FAM110B: variants seen among roughly 807,000 people sequenced by gnomAD.
The protein encoded by FAM110B is family with sequence similarity 110 member B, also known as protein FAM110B.
FAM110B carries 6 observed loss-of-function variants against 20.4 expected under a neutral mutation model. That is an observed-to-expected ratio of 0.29 (90% confidence interval 0.16 to 0.58). FAM110B has a LOEUF of 0.58. FAM110B is among the 20% of genes least tolerant of loss of function. FAM110B has a pLI of 0.90. For synonymous variants in FAM110B, 226 were observed against 214.1 expected (o/e 1.06, Z -0.49); for missense variants, 434 against 498.2 (o/e 0.87, Z 1.23).
intron 3 of FAM110B, among the ~76,000 whole-genome samples, chr8:58,103,335 A>G (rs1184270159): frequency 1.5e-5 from 1 of 67,570 alleles, no homozygotes; most frequent in East Asian, 4.5e-4. Context: ...CCTCCACCCC[A>G]CAACAGTCCC....
At chr8:58,133,416 G>T (rs1340261827) in intron 3 of FAM110B, among the ~76,000 whole-genome samples, 4 of 152,128 alleles carry the variant, frequency 2.6e-5, no homozygotes, top group Admixed American at 6.5e-5. Context: ...TTCTGGGCAG[G>T]CAGGAGCCAG....
intron 3 of FAM110B, chr8:58,101,139 T>C (rs1023875146): frequency 6.6e-6 from 1 of 151,900 alleles, no homozygotes; most frequent in Non-Finnish European, 1.5e-5. Flanking sequence ...ATCGTGCTAC[T>C]GTGCTCCAGC....
At chr8:58,013,627 G>C (rs1804582777) in intron 1 of FAM110B, among the ~76,000 whole-genome samples, 1 of 152,158 alleles carries the variant, frequency 6.6e-6, no homozygotes, top group South Asian at 2.1e-4. Flanking sequence ...CAGAGGGGGA[G>C]TCCAGTGGGG....
intron 1 of FAM110B, among the ~76,000 whole-genome samples, chr8:58,009,124 TA>T (rs781380349): frequency 3.3e-5 from 5 of 152,212 alleles, no homozygotes; most frequent in Non-Finnish European, 7.3e-5. Flanking sequence ...GGGGACTTGA[TA>T]GGGGGACGTA....
intron 2 of FAM110B, among the ~76,000 whole-genome samples, chr8:58,033,249 C>G (rs548403087): frequency 6.6e-6 from 1 of 152,172 alleles, no homozygotes; most frequent in Non-Finnish European, 1.5e-5. Flanking sequence ...TTTAATGGCT[C>G]TGTAGTATTC....
intron 3 of FAM110B, among the ~76,000 whole-genome samples, chr8:58,136,595 T>C (rs185824705): frequency 6.6e-6 from 1 of 152,344 alleles, no homozygotes; most frequent in East Asian, 1.9e-4. Flanking sequence ...CAAGTCATTA[T>C]ATTTCCAAGT....
At chr8:58,119,937 T>A (rs1260029406) in intron 3 of FAM110B, among the ~76,000 whole-genome samples, 4 of 152,194 alleles carry the variant, frequency 2.6e-5, no homozygotes, top group African/African-American at 9.6e-5. Flanking sequence ...GTAAATAACC[T>A]GCTTCTGGGA....
chr8:58,107,873 A>G (rs990924582), intron 3 of FAM110B, among the ~76,000 whole-genome samples: 1 of 152,204 alleles, frequency 6.6e-6, no homozygotes, highest in African/African-American at 2.4e-5. Context: ...TTTGGGGAAC[A>G]TTTGTGCTTT....
Position 58,047,288 on chromosome 8 carries a change from A to T in FAM110B, c.-414+15585A>T, listed in dbSNP as rs146633046. On this transcript the variant is annotated intron_variant, in intron 2 of 3. Transcript: ENST00000519262. The stretch of plus-strand genomic sequence containing the variant: ...TGTTACGCCTTGGCCCAGGAGTCTC[A>T]GCCTATCTGCAGAGAAGAGGTAAAT... Among the ~76,000 whole-genome samples the T allele has an allele frequency of 3.7e-3, 569 of 152,296 alleles. 2 individuals carry two copies. The highest frequency in any genetic ancestry group is 0.013 in the African/African-American group (545 of 41,566).
At chr8:58,093,486 C>T (rs1376359614) in intron 3 of FAM110B, among the ~76,000 whole-genome samples, 1 of 152,172 alleles carries the variant, frequency 6.6e-6, no homozygotes, top group East Asian at 1.9e-4. Context: ...GTTTTCCCAA[C>T]ACCATTTATT....
intron 1 of FAM110B, among the ~76,000 whole-genome samples, chr8:58,015,342 G>C (rs1049924642): frequency 1.3e-5 from 2 of 151,644 alleles, no homozygotes; most frequent in African/African-American, 4.9e-5. Context: ...GGACGACAGA[G>C]CAAAACTCTG....
chr8:58,027,100 C>T (rs1804868821), intron 1 of FAM110B, among the ~76,000 whole-genome samples: 2 of 152,142 alleles, frequency 1.3e-5, no homozygotes, highest in African/African-American at 4.8e-5. Flanking sequence ...GTATGTCACT[C>T]TCCATGGATT....
chr8:58,080,644 C>T (rs2150596755), intron 3 of FAM110B, among the ~76,000 whole-genome samples: 1 of 152,338 alleles, frequency 6.6e-6, no homozygotes, highest in East Asian at 1.9e-4. Flanking sequence ...CCTCTCCACA[C>T]AGGTTTCCCT....
At chr8:58,021,622 G>C (rs1804756414) in intron 1 of FAM110B, among the ~76,000 whole-genome samples, 1 of 152,100 alleles carries the variant, frequency 6.6e-6, no homozygotes, top group Non-Finnish European at 1.5e-5. Context: ...AGTTGGGGTT[G>C]ACTACAGAAT....
chr8:58,071,435 AGCCTT>A (rs1255010168), intron 2 of FAM110B, among the ~76,000 whole-genome samples: 6 of 152,284 alleles, frequency 3.9e-5, no homozygotes, highest in Middle Eastern at 3.4e-3. Context: ...CTGTCACCAG[AGCCTT>A]GCTGATCTCT....
intron 3 of FAM110B, among the ~76,000 whole-genome samples, chr8:58,135,447 A>C (rs956703909): frequency 6.6e-6 from 1 of 152,216 alleles, no homozygotes; most frequent in Non-Finnish European, 1.5e-5. Context: ...GAATTCACCC[A>C]AAATACTGCT....
At chr8:58,130,690 CTTCCT>C (rs1803442779) in intron 3 of FAM110B, among the ~76,000 whole-genome samples, 1 of 152,086 alleles carries the variant, frequency 6.6e-6, no homozygotes, top group Non-Finnish European at 1.5e-5. Context: ...GATTGAATCC[CTTCCT>C]TAGCTATTAT....
chr8:58,147,027 G>A lies in FAM110B; in HGVS notation c.797G>A (p.Arg266Lys), dbSNP rs766479168. The A allele has an allele frequency of 6.2e-7, 1 of 1,614,254 alleles. No homozygotes were observed. The highest frequency in any genetic ancestry group is 2.2e-5 in the East Asian group (1 of 44,888). ...CGGTCTAAGTCAGACTTGAGTGACA[G>A]ATATTTCCGAGTGGACGCGGACGTG... ...LQRSKSDLSD[R>K]YFRVDADVER... The change falls in exon 4 of 4, where the codon AGA (arginine) becomes AAA (lysine). Residue 266 changes from arginine (R) to lysine (K), a missense_variant. Arg to Lys is a conservative substitution (Grantham distance 26). Coordinates refer to ENST00000519262, the MANE Select transcript of FAM110B (RefSeq NM_001377989.1).
At chr8:58,000,410 T>G (rs1804269434) in intron 1 of FAM110B, among the ~76,000 whole-genome samples, 1 of 152,344 alleles carries the variant, frequency 6.6e-6, no homozygotes, top group African/African-American at 2.4e-5. Flanking sequence ...TTTGATGCTG[T>G]TTGTATTTTT....
Sources: allele counts gnomAD v4.1 joint callset (sites outside exome capture counted in the v4.1 genomes callset), GRCh38; gene constraint gnomAD v4.1.1; transcripts MANE v1.5; gene names NCBI Gene and HGNC (gene_info 2026-07-23, HGNC 2026-07-21).